Variants in WDPCP observed in about 807,000 individuals in gnomAD.
WDPCP encodes the protein WD repeat containing planar cell polarity effector.
A neutral mutation model predicts 93.1 loss-of-function variants in WDPCP; 71 were observed. The observed-to-expected ratio is 0.76, with a 90% CI of 0.63 to 0.93. The LOEUF (loss-of-function observed/expected upper bound fraction) is 0.93. Ranked by LOEUF, WDPCP falls within the 40% of genes least tolerant of loss-of-function variation. The pLI is 0.00. For missense variants in WDPCP, 844 were observed against 887.4 expected (o/e 0.95, Z 0.62); for synonymous variants, 315 against 315.0 (o/e 1.00, Z 0.00).
At chr2:63,719,516 G>A (rs961931972) in intron 2 of WDPCP, among the ~76,000 whole-genome samples, 3 of 152,170 alleles carry the variant, frequency 2.0e-5, no homozygotes, top group African/African-American at 7.2e-5. Flanking sequence ...ATCATGGTGA[G>A]AAATTTTAAC....
intron 9 of WDPCP, among the ~76,000 whole-genome samples, chr2:63,407,891 C>T (rs1398407298): frequency 6.6e-6 from 1 of 152,104 alleles, no homozygotes; most frequent in East Asian, 1.9e-4. Context: ...CAGGTCATGT[C>T]GAGTAGAGCC....
At chr2:63,527,981 C>T (rs1026567889) in intron 1 of WDPCP, among the ~76,000 whole-genome samples, 2 of 152,036 alleles carry the variant, frequency 1.3e-5, no homozygotes, top group African/African-American at 2.4e-5. Flanking sequence ...TGACAATGAG[C>T]ATTTTTTCAT....
At chr2:63,668,784 A>G (rs780990857) in intron 2 of WDPCP, among the ~76,000 whole-genome samples, 16 of 151,176 alleles carry the variant, frequency 1.1e-4, no homozygotes, top group Non-Finnish European at 2.1e-4. Context: ...CTTTCTGTAC[A>G]CTCCTGGTTC....
chr2:63,338,300 T>C (rs1475785413), intron 12 of WDPCP, among the ~76,000 whole-genome samples: 1 of 151,918 alleles, frequency 6.6e-6, no homozygotes, highest in African/African-American at 2.4e-5. Flanking sequence ...TCCCAGCACT[T>C]TGGGAGGCCA....
intron 2 of WDPCP, among the ~76,000 whole-genome samples, chr2:63,678,257 G>A (rs1484479730): frequency 6.6e-6 from 1 of 152,112 alleles, no homozygotes; most frequent in East Asian, 1.9e-4. Context: ...TCTCATCCTA[G>A]GCAGGAAGAA....
intron 2 of WDPCP, among the ~76,000 whole-genome samples, chr2:63,785,672 T>C (rs765266317): frequency 2.6e-5 from 4 of 152,178 alleles, no homozygotes; most frequent in Admixed American, 6.6e-5. Context: ...TATAAATGCA[T>C]GCAGTCTTCA....
chr2:63,746,482 A>G (rs542647916), intron 2 of WDPCP, among the ~76,000 whole-genome samples: 2 of 152,306 alleles, frequency 1.3e-5, no homozygotes, highest in African/African-American at 4.8e-5. Context: ...TGGGCTGGGC[A>G]GGACAGAGCC....
In WDPCP at chr2:63,654,384, G is replaced by A. The variant is rs779854462; in HGVS notation, n.309-3546C>T. On this transcript the variant is annotated intron_variant and non_coding_transcript_variant, in intron 2 of 4. Coordinates refer to the WDPCP transcript ENST00000467687. ...ATTTCTGTCCACTTAAAAAATGACCGTAGGTCTAGATGGGCAAGGCATTTG... is the reference window on the plus strand; with the variant it reads ...ATTTCTGTCCACTTAAAAAATGACCATAGGTCTAGATGGGCAAGGCATTTG... Among the ~76,000 whole-genome samples the A allele has an allele frequency of 6.4e-4, 98 of 152,346 alleles. 1 individual carries two copies. In the South Asian group the frequency reaches 7.2e-3, roughly 11 times the overall value.
At chr2:63,231,564 T>G (rs1468292189) in intron 14 of WDPCP, among the ~76,000 whole-genome samples, 4 of 151,982 alleles carry the variant, frequency 2.6e-5, no homozygotes, top group Non-Finnish European at 4.4e-5. Flanking sequence ...AAATCATGAG[T>G]GAACTGTCAT....
intron 12 of WDPCP, among the ~76,000 whole-genome samples, chr2:63,336,295 C>A (rs375334082): frequency 1.3e-5 from 2 of 152,264 alleles, no homozygotes; most frequent in African/African-American, 4.8e-5. Flanking sequence ...AAAATAGAAT[C>A]ATGTCATTTG....
At chr2:63,404,915 C>G (rs1190480886) in intron 9 of WDPCP, among the ~76,000 whole-genome samples, 2 of 152,044 alleles carry the variant, frequency 1.3e-5, no homozygotes, top group Non-Finnish European at 2.9e-5. Flanking sequence ...AAGAATTAAA[C>G]TATAAGATTT....
intron 2 of WDPCP, among the ~76,000 whole-genome samples, chr2:63,757,038 T>C (rs559933527): frequency 2.0e-5 from 3 of 152,150 alleles, no homozygotes; most frequent in East Asian, 3.9e-4. Context: ...CAATGTGGAG[T>C]ATTTTAGCAC....
At chr2:63,790,360 G>C (rs757982902) in intron 2 of WDPCP, among the ~76,000 whole-genome samples, 15 of 152,182 alleles carry the variant, frequency 9.9e-5, no homozygotes, top group East Asian at 9.6e-4. Context: ...ATGAAACTAA[G>C]AAGAAACCAA....
chr2:63,230,334 A>C (rs1296047292), intron 14 of WDPCP, among the ~76,000 whole-genome samples: 1 of 152,048 alleles, frequency 6.6e-6, no homozygotes, highest in Non-Finnish European at 1.5e-5. Context: ...CCAGTCTATC[A>C]TTGATGGACA....
At chr2:63,451,570 G>A (rs1187659212) in intron 6 of WDPCP, among the ~76,000 whole-genome samples, 2 of 152,164 alleles carry the variant, frequency 1.3e-5, no homozygotes, top group Admixed American at 1.3e-4. Flanking sequence ...TAGAAAAAGA[G>A]GGAATCCTCC....
At chr2:63,418,338 G>A (rs1695583893) in intron 9 of WDPCP, among the ~76,000 whole-genome samples, 1 of 152,170 alleles carries the variant, frequency 6.6e-6, no homozygotes, top group African/African-American at 2.4e-5. Flanking sequence ...GTAATGAAGG[G>A]AGAAATGCTA....
At chr2:63,516,948 G>A (rs184830738) in intron 1 of WDPCP, among the ~76,000 whole-genome samples, 1 of 151,682 alleles carries the variant, frequency 6.6e-6, no homozygotes, top group Non-Finnish European at 1.5e-5. Context: ...GGGAGGTAGG[G>A]AAGAAGGTGG....
intron 1 of WDPCP, among the ~76,000 whole-genome samples, chr2:63,821,256 G>T (rs1016981350): frequency 6.6e-6 from 1 of 152,122 alleles, no homozygotes; most frequent in Admixed American, 6.5e-5. Context: ...GAACTTGGAG[G>T]TGTCATTAAG....
chr2:63,835,776 CAT>C, the WDPCP span, among the ~76,000 whole-genome samples: 3 of 152,106 alleles, frequency 2.0e-5, no homozygotes, highest in Admixed American at 6.5e-5. Flanking sequence ...ATTCTCTAAT[CAT>C]ATTATCCATC....
Sources: allele counts gnomAD v4.1 joint callset (sites outside exome capture counted in the v4.1 genomes callset), GRCh38; gene constraint gnomAD v4.1.1; transcripts MANE v1.5; gene names NCBI Gene and HGNC (gene_info 2026-07-23, HGNC 2026-07-21).